Variants in SLC27A6 observed in about 807,000 individuals in gnomAD.
SLC27A6 encodes the protein solute carrier family 27 member 6.
In SLC27A6, 74 loss-of-function variants were observed where a neutral mutation model predicts 63.9. That is an observed-to-expected ratio of 1.16 (90% CI 0.96 to 1.40). The LOEUF (loss-of-function observed/expected upper bound fraction) is 1.40, where lower values mean the gene tolerates loss of function less well. Ranked by LOEUF, SLC27A6 falls within the 40% of genes most tolerant of loss-of-function variation. SLC27A6 has a pLI of 0.00. For missense variants in SLC27A6, 794 were observed against 732.9 expected, an observed-to-expected ratio of 1.08 and a Z score of -0.96; for synonymous variants, 287 against 260.8, an observed-to-expected ratio of 1.10 and a Z score of -0.97.
At position 129,023,720 on chromosome 5, in the gene SLC27A6, C is replaced by A. The variant is rs1339632047; in HGVS notation, c.1255+10C>A. On this transcript the variant is annotated intron_variant, in intron 6 of 9. Coordinates refer to ENST00000262462, the MANE Select transcript of SLC27A6 (RefSeq NM_001017372.3). ...ATTCATGTGAAAAAAGGTAAGACTT[C>A]TATTTGAAGACATCTCCTCAAGCAA... The A allele has an allele frequency of 6.3e-7, 1 of 1,576,816 alleles. No homozygotes were observed. The highest frequency in any genetic ancestry group is 1.7e-5 in the Admixed American group (1 of 58,392).
intron 4 of SLC27A6, among the ~76,000 whole-genome samples, chr5:128,997,719 C>G (rs1041178117): frequency 2.6e-5 from 4 of 152,142 alleles, no homozygotes; most frequent in Admixed American, 2.6e-4. Context: ...TATATCCCGT[C>G]TTTGTAAAAT....
chr5:128,992,394 G>A (rs550609714), intron 4 of SLC27A6, among the ~76,000 whole-genome samples: 2 of 152,188 alleles, frequency 1.3e-5, no homozygotes, highest in African/African-American at 2.4e-5. Context: ...GAGCACAGCT[G>A]ACACTAGGCT....
At chr5:129,015,636 C>A (rs902040172) in intron 4 of SLC27A6, among the ~76,000 whole-genome samples, 2 of 152,046 alleles carry the variant, frequency 1.3e-5, no homozygotes, top group Non-Finnish European at 2.9e-5. Context: ...AAAAAAAAGC[C>A]TTTAGTGATC....
At chr5:128,970,586 C>T (rs36139771) in intron 1 of SLC27A6, among the ~76,000 whole-genome samples, 36,445 of 151,616 alleles carry the variant, frequency 0.24, 4,942 homozygotes, top group Middle Eastern at 0.33. Flanking sequence ...TTTGCATTTC[C>T]GTGGGATCAG....
At chr5:128,999,442 G>A (rs373260992) in intron 4 of SLC27A6, among the ~76,000 whole-genome samples, 242 of 152,014 alleles carry the variant, frequency 1.6e-3, no homozygotes, top group African/African-American at 5.3e-3. Flanking sequence ...TACTCTTTAC[G>A]CTATATTGTC....
At position 128,966,589 on chromosome 5, in the gene SLC27A6, G is replaced by T; in HGVS notation, c.452G>T (p.Cys151Phe). ...TCCCTCCTGAATTGCATCCGCGCCTGTGGGCCCAGAGCCCTAGTGGTGGGC... is the reference window on the plus strand; with the variant it reads ...TCCCTCCTGAATTGCATCCGCGCCTTTGGGCCCAGAGCCCTAGTGGTGGGC... ...SNSLLNCIRA[C>F]GPRALVVGAD... The change falls in exon 1 of 10, where the codon TGT becomes TTT. Residue 151 changes from cysteine (C) to phenylalanine (F), a missense_variant. Physicochemically the swap from Cys to Phe is radical, Grantham distance 205. Transcript: ENST00000262462. The T allele has an allele frequency of 6.5e-7, 1 of 1,542,162 alleles. No individual in the cohort carries two copies.
intron 5 of SLC27A6, among the ~76,000 whole-genome samples, chr5:129,018,121 G>C (rs1190614659): frequency 6.6e-6 from 1 of 152,044 alleles, no homozygotes; most frequent in Non-Finnish European, 1.5e-5. Flanking sequence ...CTATAGCATT[G>C]CTTTTGACAT....
chr5:129,003,132 CGAGA>C (rs369150677), intron 4 of SLC27A6, among the ~76,000 whole-genome samples: 3 of 150,882 alleles, frequency 2.0e-5, no homozygotes, highest in South Asian at 2.1e-4. Context: ...TGCCTGTGCA[CGAGA>C]GAGAGAGAGA....
At chr5:129,001,827 A>G (rs1162391619) in intron 4 of SLC27A6, among the ~76,000 whole-genome samples, 1 of 152,234 alleles carries the variant, frequency 6.6e-6, no homozygotes, top group Non-Finnish European at 1.5e-5. Flanking sequence ...AAGTAGGAAT[A>G]ACCACATGTT....
Position 129,003,321 on chromosome 5 carries a change from C to A in SLC27A6, c.970-12564C>A, listed in dbSNP as rs562014695. 1.2e-4 allele frequency among the ~76,000 whole-genome samples: 18 copies of A among 152,306 alleles called. 1 individual carries two copies. In the South Asian group the frequency reaches 2.1e-3, roughly 18 times the overall value. On this transcript the variant is annotated intron_variant, in intron 4 of 9. Transcript: ENST00000262462. ...ACTGTTTGCAAACTGTAAGATACAGCCTTTGCTGTGAAACTTAGGTACATT... is the reference window on the plus strand; with the variant it reads ...ACTGTTTGCAAACTGTAAGATACAGACTTTGCTGTGAAACTTAGGTACATT...
At chr5:128,990,907 C>T (rs569785193) in intron 4 of SLC27A6, among the ~76,000 whole-genome samples, 1 of 152,316 alleles carries the variant, frequency 6.6e-6, no homozygotes, top group East Asian at 1.9e-4. Context: ...CCTGCTGGAT[C>T]TGGAGGGGTG....
rs998620707 is a variant in SLC27A6 at position 129,033,631 on chromosome 5, T to G, written c.*349T>G. The G allele has an allele frequency of 1.3e-5, 2 of 153,202 alleles. No homozygotes were observed. The highest frequency in any genetic ancestry group is 4.8e-5 in the African/African-American group (2 of 41,458). The allele number at this position is 153,202 out of a possible 1,614,324, so 9.5% of individuals were successfully genotyped here. A position where few individuals can be genotyped will look rare whatever the true frequency, so the allele number is the denominator to read the frequency against. On this transcript the variant is annotated 3_prime_UTR_variant, in exon 10 of 10. Coordinates refer to ENST00000262462, the MANE Select transcript of SLC27A6 (RefSeq NM_001017372.3). ...TTTTGAATAAAAGATTAAATTTTAC[T>G]GAAATATTTTATTTTTATGTATCCT...
intron 4 of SLC27A6, among the ~76,000 whole-genome samples, chr5:129,005,706 G>T (rs1203788428): frequency 7.1e-6 from 1 of 140,700 alleles, no homozygotes; most frequent in African/African-American, 2.7e-5. Context: ...TCCGCCTCCT[G>T]GGTTCACGCC....
chr5:129,006,655 A>G (rs1304890368), intron 4 of SLC27A6, among the ~76,000 whole-genome samples: 2 of 152,212 alleles, frequency 1.3e-5, no homozygotes, highest in African/African-American at 4.8e-5. Context: ...GTTACTGGTA[A>G]CTTTCAAGAA....
chr5:128,966,678 T>G (rs1455404418), intron 1 of SLC27A6, 60 bp downstream of exon 1: 9 of 1,305,130 alleles, frequency 6.9e-6, no homozygotes, highest in African/African-American at 1.8e-5. Context: ...TTCATACCCT[T>G]TTTTTTTTCT....
intron 5 of SLC27A6, among the ~76,000 whole-genome samples, chr5:129,017,305 T>C (rs1389793884): frequency 6.6e-6 from 1 of 152,106 alleles, no homozygotes; most frequent in Non-Finnish European, 1.5e-5. Context: ...GATAACCTCC[T>C]ATATATTTGG....
chr5:129,017,243 C>G (rs954982660), intron 5 of SLC27A6, among the ~76,000 whole-genome samples: 4 of 151,990 alleles, frequency 2.6e-5, no homozygotes, highest in African/African-American at 9.7e-5. Context: ...AAATTATGCT[C>G]TCTGAAAACA....
At chr5:128,971,965 C>A (rs1436388988) in intron 1 of SLC27A6, among the ~76,000 whole-genome samples, 2 of 152,118 alleles carry the variant, frequency 1.3e-5, no homozygotes, top group Non-Finnish European at 2.9e-5. Context: ...CTGGTGGTGA[C>A]AAAATCTCTC....
chr5:128,996,911 G>C (rs904838506), intron 4 of SLC27A6, among the ~76,000 whole-genome samples: 1 of 152,074 alleles, frequency 6.6e-6, no homozygotes, highest in Non-Finnish European at 1.5e-5. Flanking sequence ...ACCAAAGACG[G>C]TCATAAGCTA....
Sources: gnomAD v4.1 joint callset for allele counts (sites outside exome capture counted in the v4.1 genomes callset) on GRCh38, gnomAD v4.1.1 for gene constraint, MANE v1.5 for transcripts, NCBI Gene and HGNC (gene_info 2026-07-23, HGNC 2026-07-21) for gene names.